The following UBE2E3 variants were observed in gnomAD, a reference collection of about 807,000 sequenced individuals.
UBE2E3 encodes ubiquitin-conjugating enzyme E2 E3.
A neutral mutation model predicts 23.6 loss-of-function variants in UBE2E3; 5 were observed. The ratio of observed to expected loss-of-function variants is 0.21; its 90% CI spans 0.11 to 0.44. The LOEUF is 0.44. Ranked by LOEUF, UBE2E3 falls within the 20% of genes least tolerant of loss-of-function variation. The pLI, the probability that UBE2E3 is intolerant of heterozygous loss-of-function variation, is 0.99. For synonymous variants in UBE2E3, 78 were observed against 87.5 expected, an observed-to-expected ratio of 0.89 and a Z score of 0.60; for missense variants, 81 against 249.8, an observed-to-expected ratio of 0.32 and a Z score of 4.55.
At chr2:181,038,651 A>G (rs1045097842) in intron 3 of UBE2E3, among the ~76,000 whole-genome samples, 1 of 152,236 alleles carries the variant, frequency 6.6e-6, no homozygotes, top group Admixed American at 6.5e-5. Flanking sequence ...TGAAAAGGCA[A>G]ATCACAGAAA....
intron 3 of UBE2E3, among the ~76,000 whole-genome samples, chr2:181,001,436 C>G (rs372660479): frequency 1.3e-5 from 2 of 152,112 alleles, no homozygotes; most frequent in Non-Finnish European, 2.9e-5. Context: ...CTCCACCCCC[C>G]ACACCCCCAA....
intron 3 of UBE2E3, among the ~76,000 whole-genome samples, chr2:181,003,152 A>G (rs1685038554): frequency 1.3e-5 from 2 of 152,232 alleles, no homozygotes; most frequent in African/African-American, 4.8e-5. Flanking sequence ...TGCCTTAATT[A>G]GTATTCCCAG....
chr2:180,994,398 C>G (rs1314897773), intron 3 of UBE2E3, among the ~76,000 whole-genome samples: 1 of 152,074 alleles, frequency 6.6e-6, no homozygotes, highest in African/African-American at 2.4e-5. Context: ...GTCCATTTCA[C>G]CCTCCCATTA....
chr2:181,050,157 T>G (rs1686782471), intron 3 of UBE2E3, among the ~76,000 whole-genome samples: 1 of 151,934 alleles, frequency 6.6e-6, no homozygotes, highest in African/African-American at 2.4e-5. Context: ...AGAATCCACT[T>G]CTTTACAAGG....
chr2:181,009,216 C>T (rs1685243889), intron 3 of UBE2E3, among the ~76,000 whole-genome samples: 1 of 152,004 alleles, frequency 6.6e-6, no homozygotes, highest in Non-Finnish European at 1.5e-5. Flanking sequence ...ATGTTTTCCC[C>T]AGGTCTGTAA....
chr2:181,013,479 GTTGGCAAATGGCCCTAGTTTCTTGACT>G, intron 3 of UBE2E3, among the ~76,000 whole-genome samples: 1 of 94,318 alleles, frequency 1.1e-5, no homozygotes, highest in Non-Finnish European at 2.8e-5. Flanking sequence ...CTCACTGGCT[GTTGGCAAATGGCCCTAGTTTCTTGACT>G]TGTTGGCCTA....
At chr2:180,993,596 T>G (rs2105579597) in intron 3 of UBE2E3, among the ~76,000 whole-genome samples, 1 of 152,296 alleles carries the variant, frequency 6.6e-6, no homozygotes. Context: ...TGATCCCCCT[T>G]TACATCCATG....
At chr2:181,055,791 C>T (rs1270824328) in intron 3 of UBE2E3, among the ~76,000 whole-genome samples, 6 of 151,820 alleles carry the variant, frequency 4.0e-5, no homozygotes, top group South Asian at 4.2e-4. Flanking sequence ...AATCCAAGCT[C>T]TTCTATCAAC....
chr2:181,010,769 T>C (rs1257964292), intron 3 of UBE2E3, among the ~76,000 whole-genome samples: 1 of 152,122 alleles, frequency 6.6e-6, no homozygotes, highest in African/African-American at 2.4e-5. Flanking sequence ...TCTGATGTTA[T>C]AGAATGTTGA....
chr2:181,037,338 T>C (rs76389760), intron 3 of UBE2E3, among the ~76,000 whole-genome samples: 7,794 of 152,246 alleles, frequency 0.051, 278 homozygotes, highest in Non-Finnish European at 0.078. Flanking sequence ...GGCAGTTCTT[T>C]CAGGAGGTAT....
chr2:181,015,946 T>C (rs1685473057), intron 3 of UBE2E3, among the ~76,000 whole-genome samples: 1 of 145,454 alleles, frequency 6.9e-6, no homozygotes, highest in African/African-American at 2.5e-5. Context: ...TGTTATATAG[T>C]ACCATGGAGC....
At chr2:181,015,390 T>A (rs1685455030) in intron 3 of UBE2E3, among the ~76,000 whole-genome samples, 1 of 152,138 alleles carries the variant, frequency 6.6e-6, no homozygotes, top group African/African-American at 2.4e-5. Context: ...GAACATTTTG[T>A]CAATAACTAC....
chr2:180,993,660 A>G (rs1317486723), intron 3 of UBE2E3, among the ~76,000 whole-genome samples: 2 of 152,084 alleles, frequency 1.3e-5, no homozygotes, highest in African/African-American at 4.8e-5. Flanking sequence ...GGTTATTTGT[A>G]GTTAGTTTTG....
intron 3 of UBE2E3, among the ~76,000 whole-genome samples, chr2:180,998,828 G>A (rs1443317958): frequency 3.9e-5 from 6 of 152,086 alleles, no homozygotes; most frequent in Non-Finnish European, 8.8e-5. Context: ...CAAAAAAATC[G>A]TCAACGGCAG....
chr2:181,001,347 G>A (rs6747525), intron 3 of UBE2E3, among the ~76,000 whole-genome samples: 35,330 of 152,038 alleles, frequency 0.23, 4,474 homozygotes, highest in Non-Finnish European at 0.28. Context: ...CTTGGATTTC[G>A]AAAGTAGAAT....
At chr2:180,995,425 A>G (rs1684796013) in intron 3 of UBE2E3, among the ~76,000 whole-genome samples, 2 of 152,176 alleles carry the variant, frequency 1.3e-5, no homozygotes, top group African/African-American at 2.4e-5. Context: ...ATTTTACTAT[A>G]AGAATACAGT....
chr2:181,052,796 T>C (rs538435127), intron 3 of UBE2E3, among the ~76,000 whole-genome samples: 1 of 151,944 alleles, frequency 6.6e-6, no homozygotes, highest in East Asian at 1.9e-4. Flanking sequence ...AGACTCCTTG[T>C]TTTATTTTCT....
chr2:181,023,117 A>G (rs890284602), intron 3 of UBE2E3, among the ~76,000 whole-genome samples: 6 of 152,228 alleles, frequency 3.9e-5, no homozygotes, highest in African/African-American at 1.4e-4. Context: ...GAGTTCCTTG[A>G]CTTACAGTGG....
chr2:180,993,578 C>T lies in UBE2E3; in HGVS notation c.245+9485C>T, dbSNP rs142519906. ...ATTTTATTTTCCTTCACTTATAAAT[C>T]ATCATCATGATCCCCCTTTACATCC... is the stretch of plus-strand genomic sequence containing the variant. On this transcript the variant is annotated intron_variant, in intron 3 of 5. Coordinates refer to ENST00000410062, the MANE Select transcript of UBE2E3 (RefSeq NM_006357.4). 5.2e-3 allele frequency among the ~76,000 whole-genome samples: 790 copies of T among 152,246 alleles called. 12 individuals are homozygous for T. Among genetic ancestry groups the T allele is most frequent in the African/African-American group, 0.017 (726 of 41,536 alleles).
Sources: gnomAD v4.1 joint callset for allele counts (sites outside exome capture counted in the v4.1 genomes callset) on GRCh38, gnomAD v4.1.1 for gene constraint, MANE v1.5 for transcripts, NCBI Gene and HGNC (gene_info 2026-07-23, HGNC 2026-07-21) for gene names.